Variants in DPYD observed in about 807,000 individuals in gnomAD.
DPYD encodes the protein dihydropyrimidine dehydrogenase [NADP(+)].
Under a neutral mutation model 116.2 loss-of-function variants are expected in DPYD, and 109 were observed. The ratio of observed to expected loss-of-function variants is 0.94; its 90% CI spans 0.80 to 1.10. The LOEUF is 1.10. DPYD is among the 50% of genes least tolerant of loss of function. The pLI is 0.00. For missense variants in DPYD, 1,302 were observed against 1,254.5 expected (o/e 1.04, Z -0.57); for synonymous variants, 440 against 432.0 (o/e 1.02, Z -0.23).
intron 12 of DPYD, among the ~76,000 whole-genome samples, chr1:97,534,321 A>G (rs1649843069): frequency 6.6e-6 from 1 of 152,174 alleles, no homozygotes; most frequent in Admixed American, 6.6e-5. Flanking sequence ...GAATCACAAA[A>G]AGTCCAATAC....
At chr1:97,156,211 A>T (rs1270310235) in intron 20 of DPYD, among the ~76,000 whole-genome samples, 1 of 152,162 alleles carries the variant, frequency 6.6e-6, no homozygotes, top group Non-Finnish European at 1.5e-5. Flanking sequence ...TCTCACTTTA[A>T]TAATACCTAA....
intron 8 of DPYD, among the ~76,000 whole-genome samples, chr1:97,655,652 T>C (rs1400675564): frequency 6.6e-6 from 1 of 152,222 alleles, no homozygotes; most frequent in Non-Finnish European, 1.5e-5. Flanking sequence ...AACAGTCTTT[T>C]TATAGCAGAA....
chr1:97,108,714 T>C (rs1651363102), intron 20 of DPYD, among the ~76,000 whole-genome samples: 2 of 152,140 alleles, frequency 1.3e-5, no homozygotes, highest in Non-Finnish European at 2.9e-5. Context: ...TATAAATCTG[T>C]ATGAATTGGG....
At chr1:97,162,325 A>T (rs1417794064) in intron 20 of DPYD, among the ~76,000 whole-genome samples, 1 of 152,166 alleles carries the variant, frequency 6.6e-6, no homozygotes, top group Non-Finnish European at 1.5e-5. Flanking sequence ...ATGCATTCTT[A>T]TACACCAATA....
At chr1:97,811,382 A>G (rs528584630) in intron 3 of DPYD, among the ~76,000 whole-genome samples, 1 of 152,214 alleles carries the variant, frequency 6.6e-6, no homozygotes, top group South Asian at 2.1e-4. Context: ...TATTTGAAAG[A>G]CTAAACCAGG....
At chr1:97,816,903 T>C (rs528417666) in intron 3 of DPYD, among the ~76,000 whole-genome samples, 17 of 152,294 alleles carry the variant, frequency 1.1e-4, no homozygotes, top group South Asian at 4.1e-4. Flanking sequence ...ATTGATAAAA[T>C]TGGAAGGACT....
chr1:97,855,195 G>A (rs1229167853), intron 2 of DPYD: 2 of 152,334 alleles, frequency 1.3e-5, no homozygotes, highest in Non-Finnish European at 2.9e-5. Context: ...GTGGTAGGCA[G>A]GCTTCTGGCG....
chr1:97,726,411 A>G (rs1002071004), intron 4 of DPYD, among the ~76,000 whole-genome samples: 4 of 151,660 alleles, frequency 2.6e-5, no homozygotes, highest in Admixed American at 6.6e-5. Context: ...AGAATTAATC[A>G]GTCTATTCCT....
intron 12 of DPYD, among the ~76,000 whole-genome samples, chr1:97,524,320 A>T (rs1289605332): frequency 1.3e-5 from 2 of 152,200 alleles, no homozygotes; most frequent in Non-Finnish European, 2.9e-5. Flanking sequence ...GCTCATTTCC[A>T]TTGGATATGA....
chr1:97,125,493 C>T (rs1208003543), intron 20 of DPYD, among the ~76,000 whole-genome samples: 1 of 151,992 alleles, frequency 6.6e-6, no homozygotes, highest in Non-Finnish European at 1.5e-5. Flanking sequence ...ATTATTGTAA[C>T]TATGCTGAAT....
intron 2 of DPYD, among the ~76,000 whole-genome samples, chr1:97,839,805 C>A (rs1213238253): frequency 1.3e-5 from 2 of 152,080 alleles, no homozygotes; most frequent in Non-Finnish European, 2.9e-5. Context: ...AATTCACAAT[C>A]CACTAGCAAT....
chr1:97,521,595 A>C (rs181825992), intron 12 of DPYD, among the ~76,000 whole-genome samples: 20 of 152,272 alleles, frequency 1.3e-4, no homozygotes, highest in Non-Finnish European at 2.6e-4. Flanking sequence ...GAGCCTGTAT[A>C]ACCAACACAA....
chr1:97,884,571 A>C (rs1013220217), intron 1 of DPYD, among the ~76,000 whole-genome samples: 3 of 152,064 alleles, frequency 2.0e-5, no homozygotes, highest in African/African-American at 7.2e-5. Context: ...TGTATTAGAA[A>C]TCATTCCAGC....
chr1:97,125,635 A>G lies in DPYD; in HGVS notation c.2623-27003T>C, dbSNP rs190935328. Among the ~76,000 whole-genome samples, 20 of 152,168 alleles carry G rather than the reference A, an allele frequency of 1.3e-4. No individual in the cohort carries two copies. In the East Asian group the frequency reaches 3.7e-3, roughly 28 times the overall value. ...AAACCCCAACCTCCAAAGTGATGGT[A>G]GTAGGAGGTAGGGACTTTGGGAAGT... On this transcript the variant is annotated intron_variant, in intron 20 of 22. Coordinates refer to ENST00000370192, the MANE Select transcript of DPYD (RefSeq NM_000110.4).
At chr1:97,135,113 G>A (rs376774220) in intron 20 of DPYD, among the ~76,000 whole-genome samples, 8 of 152,120 alleles carry the variant, frequency 5.3e-5, no homozygotes, top group Admixed American at 3.9e-4. Flanking sequence ...AAGAAGCAAC[G>A]TTCTTAGATT....
At chr1:97,270,178 C>G (rs1157462159) in intron 18 of DPYD, among the ~76,000 whole-genome samples, 5 of 152,050 alleles carry the variant, frequency 3.3e-5, no homozygotes, top group Admixed American at 3.3e-4. Context: ...GTAAAGAAAG[C>G]AATAGAATCA....
At chr1:97,082,678 G>A (rs1268659678) in intron 21 of DPYD, among the ~76,000 whole-genome samples, 1 of 152,044 alleles carries the variant, frequency 6.6e-6, no homozygotes, top group African/African-American at 2.4e-5. Flanking sequence ...TGCATGCCTG[G>A]CTTAGAAATA....
chr1:97,752,290 T>TCACA (rs146577982), intron 3 of DPYD, among the ~76,000 whole-genome samples: 4,111 of 145,904 alleles, frequency 0.028, 67 homozygotes, highest in African/African-American at 0.047. Context: ...TAAACCTACT[T>TCACA]CACACACACA....
rs1236741247 is a variant in DPYD, at chr1:97,102,459, TTATC to T, written c.2623-3831_2623-3828del. ...TTATTCAGTATAAACCTGAAATCTA[TTATC>T]TATCTATCTATCTATCTATCTATCT... is the stretch of plus-strand genomic sequence containing the variant. On this transcript the variant is annotated intron_variant, in intron 20 of 22. Transcript: ENST00000370192. 7.1e-3 allele frequency among the ~76,000 whole-genome samples: 887 copies of T among 125,092 alleles called. 10 individuals carry two copies. The highest frequency in any genetic ancestry group is 0.023 in the African/African-American group (765 of 33,384). The allele number at this position is 125,092 out of a possible 152,430, so 82.1% of individuals were successfully genotyped here. A position where few individuals can be genotyped will look rare whatever the true frequency, so the allele number is the denominator to read the frequency against.
Sources: allele counts gnomAD v4.1 joint callset (sites outside exome capture counted in the v4.1 genomes callset), GRCh38; gene constraint gnomAD v4.1.1; transcripts MANE v1.5; gene names NCBI Gene and HGNC (gene_info 2026-07-23, HGNC 2026-07-21).